EML6: variants seen among roughly 807,000 people sequenced by gnomAD.
EML6 encodes EMAP like 6.
Under a neutral mutation model 240.1 loss-of-function variants are expected in EML6, and 154 were observed. The ratio of observed to expected loss-of-function variants is 0.64; its 90% CI spans 0.56 to 0.73. EML6 has a LOEUF of 0.73. EML6 is among the 30% of genes least tolerant of loss of function. The pLI, the probability that EML6 is intolerant of heterozygous loss-of-function variation, is 0.00. For synonymous variants in EML6, 1,148 were observed against 899.0 expected (o/e 1.28, Z -4.95); for missense variants, 2,964 against 2,474.6 (o/e 1.20, Z -4.20).
chr2:54,902,957 A>T, intron 22 of EML6, 87 bp from the exon 23 acceptor site: 1 of 1,241,694 alleles, frequency 8.1e-7, no homozygotes, highest in South Asian at 1.4e-5. Flanking sequence ...TACATAATGC[A>T]CATCATCAGA....
chr2:54,739,880 T>G (rs1683555380), intron 2 of EML6, among the ~76,000 whole-genome samples: 1 of 152,202 alleles, frequency 6.6e-6, no homozygotes, highest in Non-Finnish European at 1.5e-5. Context: ...TGTGGTAGAA[T>G]GCAAAGAGAA....
intron 28 of EML6, among the ~76,000 whole-genome samples, chr2:54,935,710 C>G (rs1282101163): frequency 6.6e-6 from 1 of 152,146 alleles, no homozygotes. Context: ...TCGCATATAT[C>G]TTTAAAAATA....
Position 54,948,833 on chromosome 2 carries a change from T to G in EML6, c.4005-49T>G, listed in dbSNP as rs1026501176. On this transcript the variant is annotated intron_variant, in intron 28 of 41. Coordinates refer to ENST00000356458, the MANE Select transcript of EML6 (RefSeq NM_001039753.4). ...ACAGGCCACACCGGGAAGGCAGCCT[T>G]GCAGCCCTTGTTCAATGCTGTGCTT... 94 of 1,450,594 alleles carry G rather than the reference T, an allele frequency of 6.5e-5. No homozygotes were observed. The Admixed American group carries it at 1.8e-3, about 28-fold the overall frequency. The allele number at this position is 1,450,594 out of a possible 1,614,324, so 89.9% of individuals were successfully genotyped here.
At chr2:54,866,744 G>A (rs1222428519) in intron 13 of EML6, 22 bp from the exon 14 acceptor site, 1 of 1,438,532 alleles carries the variant, frequency 7.0e-7, no homozygotes, top group South Asian at 1.2e-5. Context: ...ATCTCACCCA[G>A]ATGTTTCTGT....
chr2:54,803,490 C>A (rs193030922), intron 2 of EML6, among the ~76,000 whole-genome samples: 2 of 152,130 alleles, frequency 1.3e-5, no homozygotes, highest in African/African-American at 4.8e-5. Flanking sequence ...CTCCAAGCCC[C>A]TTTTGTTTGT....
At chr2:54,848,548 C>CACACACACACACACAT (rs1344441331) in intron 9 of EML6, among the ~76,000 whole-genome samples, 1 of 151,536 alleles carries the variant, frequency 6.6e-6, no homozygotes, top group African/African-American at 2.4e-5. Flanking sequence ...CACACACACA[C>CACACACACACACACAT]ACATAAATTT....
In EML6 at chr2:54,928,387, C is replaced by T. The variant is rs1000749378; in HGVS notation, c.3750C>T (p.Asp1250=). The T allele has an allele frequency of 1.9e-6, 3 of 1,551,900 alleles. No individual in the cohort carries two copies. Among genetic ancestry groups the T allele is most frequent in the Non-Finnish European group, 2.6e-6 (3 of 1,147,044 alleles). ...CTAACGTGAGGTGGCTGCACAATGACTCTGTGCTGCTCACGGTGGGCGGCG... is the reference window on the plus strand; with the variant it reads ...CTAACGTGAGGTGGCTGCACAATGATTCTGTGCTGCTCACGGTGGGCGGCG... ...HVTNVRWLHN[D]SVLLTVGGAD... is the part of the protein sequence containing the mutation. The change falls in exon 27 of 42, where the codon GAC becomes GAT. Residue 1250 remains aspartate, a synonymous_variant. Transcript: ENST00000356458.
intron 18 of EML6, among the ~76,000 whole-genome samples, chr2:54,891,958 TA>T (rs1193487671): frequency 6.6e-6 from 1 of 152,244 alleles, no homozygotes; most frequent in Admixed American, 6.5e-5. Context: ...CACCCCAAAA[TA>T]GCTGTTATAA....
At chr2:54,818,721 G>A (rs970504410) in intron 4 of EML6, among the ~76,000 whole-genome samples, 1 of 152,196 alleles carries the variant, frequency 6.6e-6, no homozygotes, top group African/African-American at 2.4e-5. Context: ...GCCAGTAAGG[G>A]TGAAATGTAA....
At chr2:54,918,353 T>TAATG (rs1006125953) in intron 26 of EML6, among the ~76,000 whole-genome samples, 9 of 151,038 alleles carry the variant, frequency 6.0e-5, no homozygotes, top group African/African-American at 2.0e-4. Context: ...TTATTTTAAC[T>TAATG]AATGAATGAA....
intron 2 of EML6, among the ~76,000 whole-genome samples, chr2:54,801,498 C>G (rs1382493785): frequency 6.6e-6 from 1 of 152,130 alleles, no homozygotes; most frequent in African/African-American, 2.4e-5. Flanking sequence ...GCTTGACTCT[C>G]CAGTGTGATG....
Position 54,778,506 on chromosome 2 carries a change from CTG to C in EML6, c.198-34723_198-34722del, listed in dbSNP as rs1443678286. On this transcript the variant is annotated intron_variant, in intron 2 of 41. Coordinates refer to ENST00000356458, the MANE Select transcript of EML6 (RefSeq NM_001039753.4). ...TTACCATCATGGCCATTTTATCACT[CTG>C]TGCGAGATGCTGACACCATGCACTA... Among the ~76,000 whole-genome samples the C allele has an allele frequency of 7.9e-5, 12 of 152,300 alleles. No individual in the cohort carries two copies. In the East Asian group the frequency reaches 1.9e-3, roughly 24 times the overall value.
intron 16 of EML6, among the ~76,000 whole-genome samples, chr2:54,878,262 C>T (rs1352942369): frequency 3.3e-5 from 5 of 152,172 alleles, no homozygotes; most frequent in African/African-American, 4.8e-5. Flanking sequence ...TTGGGACCTC[C>T]GAGTGGACTG....
chr2:54,900,748 T>A (rs745565166), intron 22 of EML6, among the ~76,000 whole-genome samples: 7 of 152,150 alleles, frequency 4.6e-5, no homozygotes, highest in Non-Finnish European at 1.0e-4. Flanking sequence ...GGGAGCCCAT[T>A]GATGCTCTCC....
At position 54,934,726 on chromosome 2, in the gene EML6, T is replaced by A. The variant is rs538975025; in HGVS notation, c.4004+5975T>A. 4.6e-5 allele frequency among the ~76,000 whole-genome samples: 7 copies of A among 152,166 alleles called. No homozygotes were observed. In the South Asian group the frequency reaches 1.5e-3, roughly 32 times the overall value. Reference sequence around the variant, plus strand: ...GTGCACCACCATACCCAGCTTATCTTTATTTTAGAGATGGGGTGGTCTTAC... The same window carrying A: ...GTGCACCACCATACCCAGCTTATCTATATTTTAGAGATGGGGTGGTCTTAC... On this transcript the variant is annotated intron_variant, in intron 28 of 41. Transcript: ENST00000356458.
chr2:54,791,714 T>C (rs536004710), intron 2 of EML6, among the ~76,000 whole-genome samples: 238 of 152,058 alleles, frequency 1.6e-3, no homozygotes, highest in Middle Eastern at 0.014. Flanking sequence ...GAACTGAAGA[T>C]TGACAAAAAA....
At chr2:54,918,471 C>A (rs1383358828) in intron 26 of EML6, among the ~76,000 whole-genome samples, 1 of 152,214 alleles carries the variant, frequency 6.6e-6, no homozygotes, top group Non-Finnish European at 1.5e-5. Context: ...ACCTCAGCCT[C>A]CCCAGTAGCT....
intron 33 of EML6, among the ~76,000 whole-genome samples, 154 bp from the exon 34 acceptor site, chr2:54,958,950 C>G (rs1260799765): frequency 6.6e-6 from 1 of 152,178 alleles, no homozygotes; most frequent in Admixed American, 6.5e-5. Flanking sequence ...TCGGTGATTT[C>G]TTTGCAAATT....
intron 4 of EML6, among the ~76,000 whole-genome samples, chr2:54,820,175 T>C (rs1338882350): frequency 2.6e-5 from 4 of 152,160 alleles, no homozygotes; most frequent in Non-Finnish European, 5.9e-5. Flanking sequence ...ATAATTATGG[T>C]AAGTTCTCTC....
Sources: gnomAD v4.1 joint callset for allele counts (sites outside exome capture counted in the v4.1 genomes callset) on GRCh38, gnomAD v4.1.1 for gene constraint, MANE v1.5 for transcripts, NCBI Gene and HGNC (gene_info 2026-07-23, HGNC 2026-07-21) for gene names.